Variants in INPP4B observed in about 807,000 individuals in gnomAD.
INPP4B encodes the protein inositol polyphosphate-4-phosphatase type II B.
INPP4B carries 55 observed loss-of-function variants against 122.5 expected under a neutral mutation model. That is an observed-to-expected ratio of 0.45 (90% CI 0.36 to 0.56). The LOEUF is 0.56. Ranked by LOEUF, INPP4B falls within the 20% of genes least tolerant of loss-of-function variation. INPP4B has a pLI of 0.00. For missense variants in INPP4B, 1,000 were observed against 1,097.7 expected, an observed-to-expected ratio of 0.91 and a Z score of 1.26; for synonymous variants, 403 against 388.7, an observed-to-expected ratio of 1.04 and a Z score of -0.43.
At chr4:142,556,836 G>A (rs115256590) in intron 2 of INPP4B, among the ~76,000 whole-genome samples, 179 of 152,240 alleles carry the variant, frequency 1.2e-3, no homozygotes, top group African/African-American at 4.1e-3. Flanking sequence ...GGAAAGTATC[G>A]ATTGCAGTTT....
At chr4:142,655,425 T>G (rs1349359523) in intron 2 of INPP4B, among the ~76,000 whole-genome samples, 1 of 152,186 alleles carries the variant, frequency 6.6e-6, no homozygotes, top group Non-Finnish European at 1.5e-5. Flanking sequence ...CTGGCCCAAG[T>G]CTAAGTAAAA....
chr4:142,572,172 C>T (rs558380134), intron 2 of INPP4B, among the ~76,000 whole-genome samples: 2 of 152,224 alleles, frequency 1.3e-5, no homozygotes, highest in South Asian at 4.1e-4. Flanking sequence ...TCAATTAGGT[C>T]TATAAAGCTC....
At chr4:142,794,113 A>G (rs1241835911) in intron 1 of INPP4B, among the ~76,000 whole-genome samples, 3 of 152,054 alleles carry the variant, frequency 2.0e-5, no homozygotes, top group Non-Finnish European at 2.9e-5. Flanking sequence ...GTATGTATCT[A>G]TCTATCACAA....
intron 1 of INPP4B, among the ~76,000 whole-genome samples, chr4:142,816,187 A>G (rs556613414): frequency 1.9e-3 from 291 of 152,250 alleles, no homozygotes; most frequent in African/African-American, 6.7e-3. Flanking sequence ...AGGAATAGAT[A>G]TCTTATTGAA....
At chr4:142,421,741 C>T (rs1327643782) in intron 5 of INPP4B, among the ~76,000 whole-genome samples, 2 of 152,090 alleles carry the variant, frequency 1.3e-5, no homozygotes, top group Non-Finnish European at 2.9e-5. Flanking sequence ...TGAAATCCTG[C>T]TCATTCTTTT....
At chr4:142,428,444 A>T (rs1042116855) in intron 5 of INPP4B, among the ~76,000 whole-genome samples, 5 of 151,760 alleles carry the variant, frequency 3.3e-5, no homozygotes, top group Admixed American at 2.0e-4. Flanking sequence ...GACAGGAAAA[A>T]AAAAAAAAGA....
At chr4:142,709,702 T>C (rs1322005608) in intron 2 of INPP4B, among the ~76,000 whole-genome samples, 4 of 152,206 alleles carry the variant, frequency 2.6e-5, no homozygotes, top group Admixed American at 2.0e-4. Flanking sequence ...AACCTCCTCC[T>C]TTATTAATTA....
chr4:142,346,012 C>T (rs1183834072), intron 7 of INPP4B, among the ~76,000 whole-genome samples: 2 of 151,898 alleles, frequency 1.3e-5, no homozygotes, highest in Admixed American at 6.6e-5. Flanking sequence ...CAGGCAGTTG[C>T]AAATCTTTCT....
chr4:142,562,855 T>TC (rs1193536238), intron 2 of INPP4B, among the ~76,000 whole-genome samples: 3 of 151,930 alleles, frequency 2.0e-5, no homozygotes, highest in East Asian at 3.9e-4. Context: ...TATTTTTTTT[T>TC]CTAAGGTGGA....
chr4:142,603,003 G>T (rs574024646), intron 2 of INPP4B, among the ~76,000 whole-genome samples: 5 of 152,144 alleles, frequency 3.3e-5, no homozygotes, highest in African/African-American at 1.2e-4. Flanking sequence ...ATGATAGACT[G>T]GATAAAGAAA....
At chr4:142,068,542 G>C (rs1322781151) in intron 25 of INPP4B, among the ~76,000 whole-genome samples, 1 of 152,134 alleles carries the variant, frequency 6.6e-6, no homozygotes, top group Non-Finnish European at 1.5e-5. Context: ...CTGGCAAACT[G>C]GATAAAGAGT....
chr4:142,117,842 G>A (rs1453951048), intron 21 of INPP4B, among the ~76,000 whole-genome samples: 2 of 152,138 alleles, frequency 1.3e-5, no homozygotes, highest in Admixed American at 6.6e-5. Context: ...AGGAAAAGAG[G>A]AAGTCAAATT....
intron 22 of INPP4B, among the ~76,000 whole-genome samples, chr4:142,109,765 A>G (rs1263159530): frequency 3.9e-5 from 6 of 152,132 alleles, no homozygotes; most frequent in Non-Finnish European, 8.8e-5. Context: ...GCATGAGCCG[A>G]ACTGTAATGT....
Position 142,260,152 on chromosome 4 carries a change from T to C in INPP4B, c.688+340A>G, listed in dbSNP as rs374269529. Among the ~76,000 whole-genome samples the C allele has an allele frequency of 3.9e-4, 60 of 152,210 alleles. No individual in the cohort carries two copies. The South Asian group carries it at 0.012, about 29-fold the overall frequency. On this transcript the variant is annotated intron_variant, in intron 11 of 25. Coordinates refer to ENST00000262992, the MANE Select transcript of INPP4B (RefSeq NM_001101669.3). ...GGCACGGGCCACCATGCCCAGCTAA[T>C]TTTTGGTATTTTTAGTAGAGACGGG...
chr4:142,429,882 A>C (rs1206470545), intron 4 of INPP4B, among the ~76,000 whole-genome samples: 1 of 152,082 alleles, frequency 6.6e-6, no homozygotes, highest in Admixed American at 6.6e-5. Flanking sequence ...CATTGTGGGA[A>C]GTGATATGGG....
At chr4:142,800,437 A>G (rs1263747879) in intron 1 of INPP4B, among the ~76,000 whole-genome samples, 1 of 152,164 alleles carries the variant, frequency 6.6e-6, no homozygotes. Flanking sequence ...TTTCTCTCCT[A>G]TCATAATGAT....
intron 2 of INPP4B, among the ~76,000 whole-genome samples, chr4:142,553,814 G>T (rs929755852): frequency 6.6e-6 from 1 of 152,132 alleles, no homozygotes; most frequent in African/African-American, 2.4e-5. Flanking sequence ...AAAAGACCAG[G>T]TCAAGACATA....
chr4:142,716,509 G>T (rs1006646719), intron 2 of INPP4B, among the ~76,000 whole-genome samples: 1 of 151,984 alleles, frequency 6.6e-6, no homozygotes, highest in African/African-American at 2.4e-5. Flanking sequence ...AAAATTACTG[G>T]CTGCCATAAG....
At chr4:142,794,206 C>A (rs965063361) in intron 1 of INPP4B, among the ~76,000 whole-genome samples, 2 of 151,954 alleles carry the variant, frequency 1.3e-5, no homozygotes, top group African/African-American at 4.8e-5. Context: ...GGTAGGAGGA[C>A]CTGTCTTGCC....
Sources: gnomAD v4.1 joint callset for allele counts (sites outside exome capture counted in the v4.1 genomes callset) on GRCh38, gnomAD v4.1.1 for gene constraint, MANE v1.5 for transcripts, NCBI Gene and HGNC (gene_info 2026-07-23, HGNC 2026-07-21) for gene names.